KCTD7: variants seen among roughly 807,000 people sequenced by gnomAD.
The protein encoded by KCTD7 is BTB/POZ domain-containing protein KCTD7.
In KCTD7, 15 loss-of-function variants were observed where a neutral mutation model predicts 27.0. The observed-to-expected ratio is 0.56, with a 90% CI of 0.37 to 0.86. The LOEUF (loss-of-function observed/expected upper bound fraction) is 0.86, where lower values mean the gene tolerates loss of function less well. Ranked by LOEUF, KCTD7 falls within the 40% of genes least tolerant of loss-of-function variation. The pLI is 0.00. For synonymous variants in KCTD7, 159 were observed against 162.7 expected (o/e 0.98, Z 0.17); for missense variants, 299 against 398.9 (o/e 0.75, Z 2.13).
Position 66,642,515 on chromosome 7 carries a change from A to G in KCTD7, c.*3283A>G. 1 of 985,464 alleles carries G rather than the reference A, an allele frequency of 1.0e-6. No homozygotes were observed. Among genetic ancestry groups the G allele is most frequent in the Non-Finnish European group, 1.2e-6 (1 of 829,934 alleles). 61.0% of individuals were successfully genotyped at this position (985,464 alleles called of 1,614,324 possible). ...TCTTGGTCTAAACCAGCTCTTGAAC[A>G]GGTTAAAGCAAACAGCAATAACAAA... On this transcript the variant is annotated 3_prime_UTR_variant, in exon 4 of 4. Transcript: ENST00000639828.
chr7:66,635,011 CTT>C (rs68184930), intron 2 of KCTD7, among the ~76,000 whole-genome samples: 5,021 of 107,420 alleles, frequency 0.047, 116 homozygotes, highest in East Asian at 0.092. Flanking sequence ...GTGAGACTGT[CTT>C]TTTTTTTTTT....
Position 66,629,027 on chromosome 7 carries a change from C to T in KCTD7, c.-38C>T. ...GGAGTGCCCGGGGCCGCCGCCTCCG[C>T]CCGCCCGAAGCCGCGCCCACTGCCC... On this transcript the variant is annotated 5_prime_UTR_variant, in exon 1 of 4. Transcript: ENST00000639828. The T allele has an allele frequency of 2.7e-6, 4 of 1,481,082 alleles. No individual in the cohort carries two copies. Among genetic ancestry groups the T allele is most frequent in the Non-Finnish European group, 3.6e-6 (4 of 1,112,902 alleles). The allele number at this position is 1,481,082 out of a possible 1,614,324, so 91.7% of individuals were successfully genotyped here.
chr7:66,639,225 G>A lies in KCTD7; in HGVS notation c.863G>A (p.Trp288Ter), dbSNP rs748183090. Residue 288 changes from tryptophan to a stop codon, truncating the protein, a stop_gained, in exon 4 of 4, where the codon TGG (tryptophan) becomes TAG (stop). Coordinates refer to ENST00000639828, the MANE Select transcript of KCTD7 (RefSeq NM_153033.5). LOFTEE classifies it high-confidence loss of function. ...CCCATCTATGAGTTCAAGATCACAT[G>A]GTGGTGAGTAGCCCCGGTAGGCGAG... is the stretch of plus-strand genomic sequence containing the variant. ...KRPIYEFKIT[W>*]W 6.2e-7 allele frequency: 1 copy of A among 1,612,018 alleles called. No individual in the cohort carries two copies. Among genetic ancestry groups the A allele is most frequent in the Non-Finnish European group, 8.5e-7 (1 of 1,180,016 alleles).
rs1420584527 is a variant in KCTD7, at chr7:66,642,949, A to G, written c.*3717A>G. 2.0e-6 allele frequency: 2 copies of G among 985,254 alleles called. No individual in the cohort carries two copies. The highest frequency in any genetic ancestry group is 2.4e-6 in the Non-Finnish European group (2 of 829,962). 61.0% of individuals were successfully genotyped at this position (985,254 alleles called of 1,614,324 possible). A position where few individuals can be genotyped will look rare whatever the true frequency, so the allele number is the denominator to read the frequency against. On this transcript the variant is annotated 3_prime_UTR_variant, in exon 4 of 4. Coordinates refer to ENST00000639828, the MANE Select transcript of KCTD7 (RefSeq NM_153033.5). ...TGTATGGTGTTGGGTTTATGTACAC[A>G]CTATAACACTTCCTGTGTGAGTTCA...
At position 66,639,764 on chromosome 7, in the gene KCTD7, C is replaced by G; in HGVS notation, c.*532C>G. On this transcript the variant is annotated 3_prime_UTR_variant, in exon 4 of 4. Coordinates refer to ENST00000639828, the MANE Select transcript of KCTD7 (RefSeq NM_153033.5). ...CTCTCCCACTGCACCCCTTCTCCTC[C>G]AAGAATAGTTGCCCACATTCCCAAA... 2.4e-6 allele frequency: 3 copies of G among 1,251,316 alleles called. No homozygotes were observed. Among genetic ancestry groups the G allele is most frequent in the South Asian group, 7.6e-5 (2 of 26,450 alleles). The allele number at this position is 1,251,316 out of a possible 1,614,324, so 77.5% of individuals were successfully genotyped here.
At position 66,638,343 on chromosome 7, in the gene KCTD7, G is replaced by C. The variant is rs555039386; in HGVS notation, c.405G>C (p.Gly135=). Residue 135 remains glycine (G), a synonymous_variant, in exon 3 of 4, where the codon GGG becomes GGC. Coordinates refer to ENST00000639828, the MANE Select transcript of KCTD7 (RefSeq NM_153033.5). ...VYKEAQYYAI[G]PLLEQLENMQ... ...AAGAGGCCCAGTACTATGCCATCGG[G>C]CCCCTCCTGGAGCAGCTGGAGAACA... The C allele has an allele frequency of 1.7e-5, 28 of 1,614,228 alleles. No homozygotes were observed. In the South Asian group the frequency reaches 3.1e-4, roughly 18 times the overall value.
chr7:66,628,895 G>C lies in KCTD7; in HGVS notation c.-170G>C, dbSNP rs191169882. The C allele has an allele frequency of 2.1e-5, 11 of 530,728 alleles. No homozygotes were observed. The highest frequency in any genetic ancestry group is 7.9e-5 in the East Asian group (2 of 25,196). The allele number at this position is 530,728 out of a possible 1,614,324, so 32.9% of individuals were successfully genotyped here. ...GGTCAGGCCCCAGCTGGGCGCGAGC[G>C]GGTCGGCGTTGAGGGAGCCACCGCC... On this transcript the variant is annotated 5_prime_UTR_variant, in exon 1 of 4. Transcript: ENST00000639828.
chr7:66,632,553 G>A (rs1447192766), intron 1 of KCTD7, among the ~76,000 whole-genome samples: 1 of 151,852 alleles, frequency 6.6e-6, no homozygotes, highest in Non-Finnish European at 1.5e-5. Flanking sequence ...CTTTTATGCA[G>A]TGAACAACCT....
chr7:66,640,129 T>A lies in KCTD7; in HGVS notation c.*897T>A. 1.5e-6 allele frequency: 2 copies of A among 1,345,844 alleles called. No homozygotes were observed. 83.4% of individuals were successfully genotyped at this position (1,345,844 alleles called of 1,614,324 possible). On this transcript the variant is annotated 3_prime_UTR_variant, in exon 4 of 4. Transcript: ENST00000639828. The stretch of plus-strand genomic sequence containing the variant: ...CTATCTCATGTGTTAGAATCCAGTT[T>A]GTGGTGAACCTCTTTGGAAGGGGAC...
At position 66,638,937 on chromosome 7, in the gene KCTD7, T is replaced by C; in HGVS notation, c.575T>C (p.Val192Ala). The change falls in exon 4 of 4, where the codon GTC becomes GCC. Residue 192 changes from valine (V) to alanine (A), a missense_variant. Coordinates refer to ENST00000639828, the MANE Select transcript of KCTD7 (RefSeq NM_153033.5). Reference protein sequence around the residue: ...KARFAKLKVCVFKEEMPITPY... With the variant: ...KARFAKLKVCAFKEEMPITPY... ...CGCTTTGCCAAGCTCAAGGTCTGTGTCTTCAAGGAGGAGATGCCCATCACC... is the reference window on the plus strand; with the variant it reads ...CGCTTTGCCAAGCTCAAGGTCTGTGCCTTCAAGGAGGAGATGCCCATCACC... The C allele has an allele frequency of 6.2e-7, 1 of 1,614,194 alleles. No individual in the cohort carries two copies. Among genetic ancestry groups the C allele is most frequent in the East Asian group, 2.2e-5 (1 of 44,878 alleles).
In KCTD7 at chr7:66,639,848, T is replaced by C. The variant is rs951176736; in HGVS notation, c.*616T>C. Reference sequence around the variant, plus strand: ...TGTTCTTCACCACCTTTTGGAGATTTAACCATAGCTGCCAAAGCTATGCAC... The same window carrying C: ...TGTTCTTCACCACCTTTTGGAGATTCAACCATAGCTGCCAAAGCTATGCAC... On this transcript the variant is annotated 3_prime_UTR_variant, in exon 4 of 4. Coordinates refer to ENST00000639828, the MANE Select transcript of KCTD7 (RefSeq NM_153033.5). 41 of 1,247,322 alleles carry C rather than the reference T, an allele frequency of 3.3e-5. 1 individual carries two copies. In the African/African-American group the frequency reaches 5.9e-4, roughly 18 times the overall value. 77.3% of individuals were successfully genotyped at this position (1,247,322 alleles called of 1,614,324 possible).
chr7:66,631,724 G>A (rs1426861086), intron 1 of KCTD7, among the ~76,000 whole-genome samples: 1 of 151,614 alleles, frequency 6.6e-6, no homozygotes, highest in Non-Finnish European at 1.5e-5. Flanking sequence ...AAAAAGCCTT[G>A]CATTTTAAGG....
At position 66,639,226 on chromosome 7, in the gene KCTD7, G is replaced by A; in HGVS notation, c.864G>A (p.Trp288Ter). 1 of 1,611,720 alleles carries A rather than the reference G, an allele frequency of 6.2e-7. No homozygotes were observed. Among genetic ancestry groups the A allele is most frequent in the Non-Finnish European group, 8.5e-7 (1 of 1,180,020 alleles). ...CCATCTATGAGTTCAAGATCACATG[G>A]TGGTGAGTAGCCCCGGTAGGCGAGA... ...KRPIYEFKITWW is the reference protein window; with the variant it reads ...KRPIYEFKIT Residue 288 changes from tryptophan to a stop codon, truncating the protein, a stop_gained, in exon 4 of 4, where the codon TGG (tryptophan) becomes TGA (stop). Transcript: ENST00000639828. LOFTEE classifies it high-confidence loss of function.
At chr7:66,635,016 T>C (rs1345408695) in intron 2 of KCTD7, among the ~76,000 whole-genome samples, 1 of 148,894 alleles carries the variant, frequency 6.7e-6, no homozygotes, top group East Asian at 2.0e-4. Flanking sequence ...ACTGTCTTTT[T>C]TTTTTTTTTT....
At chr7:66,635,016 T>G (rs1345408695) in intron 2 of KCTD7, among the ~76,000 whole-genome samples, 1 of 148,894 alleles carries the variant, frequency 6.7e-6, no homozygotes, top group African/African-American at 2.5e-5. Flanking sequence ...ACTGTCTTTT[T>G]TTTTTTTTTT....
In KCTD7 at chr7:66,638,367, C is replaced by T; in HGVS notation, c.429C>T (p.Asn143=). 6.2e-7 allele frequency: 1 copy of T among 1,614,246 alleles called. No homozygotes were observed. The highest frequency in any genetic ancestry group is 8.5e-7 in the Non-Finnish European group (1 of 1,180,048). Residue 143 remains asparagine, a synonymous_variant, in exon 3 of 4, where the codon AAC becomes AAT. Transcript: ENST00000639828. The part of the protein sequence containing the change: ...AIGPLLEQLE[N]MQPLKGEKVR... ...GGCCCCTCCTGGAGCAGCTGGAGAA[C>T]ATGCAGCCACTGAAGGGCGAGAAGG... is the stretch of plus-strand genomic sequence containing the variant.
rs1584392851 is a variant in KCTD7 at position 66,629,154 on chromosome 7, G to T, written c.90G>T (p.Pro30=). Residue 30 remains proline (P), a synonymous_variant, in exon 1 of 4, where the codon CCG becomes CCT. Coordinates refer to ENST00000639828, the MANE Select transcript of KCTD7 (RefSeq NM_153033.5). The stretch of plus-strand genomic sequence containing the variant: ...ACGCCGAAGACGACTTTCTGGAGCC[G>T]GCCACGCCGACGGCCACGCAGGCGG... The part of the protein sequence containing the change: ...SSDAEDDFLE[P]ATPTATQAGH... 2.0e-6 allele frequency: 3 copies of T among 1,527,232 alleles called. No individual in the cohort carries two copies. The highest frequency in any genetic ancestry group is 2.6e-6 in the Non-Finnish European group (3 of 1,138,342). The allele number at this position is 1,527,232 out of a possible 1,614,324, so 94.6% of individuals were successfully genotyped here.
Position 66,628,979 on chromosome 7 carries a change from T to C in KCTD7, c.-86T>C. The stretch of plus-strand genomic sequence containing the variant: ...GGCCAGCCCGCAGCCGGCCGCGTCA[T>C]GCCAGGCGCTGCTCGGCGGTAGGGA... On this transcript the variant is annotated 5_prime_UTR_variant, in exon 1 of 4. The change abolishes an upstream ATG in the 5' untranslated region. Transcript: ENST00000639828. The C allele has an allele frequency of 3.7e-6, 5 of 1,368,872 alleles. No individual in the cohort carries two copies. Among genetic ancestry groups the C allele is most frequent in the Non-Finnish European group, 4.8e-6 (5 of 1,031,334 alleles). 84.8% of individuals were successfully genotyped at this position (1,368,872 alleles called of 1,614,324 possible).
In KCTD7 at chr7:66,629,046, A is replaced by C; in HGVS notation, c.-19A>C. On this transcript the variant is annotated 5_prime_UTR_variant, in exon 1 of 4. Coordinates refer to ENST00000639828, the MANE Select transcript of KCTD7 (RefSeq NM_153033.5). ...CCTCCGCCCGCCCGAAGCCGCGCCCACTGCCCAGAGCCAGAGGGATGGTGG... is the reference window on the plus strand; with the variant it reads ...CCTCCGCCCGCCCGAAGCCGCGCCCCCTGCCCAGAGCCAGAGGGATGGTGG... 6.7e-7 allele frequency: 1 copy of C among 1,496,652 alleles called. No individual in the cohort carries two copies. The highest frequency in any genetic ancestry group is 8.9e-7 in the Non-Finnish European group (1 of 1,121,070). 92.7% of individuals were successfully genotyped at this position (1,496,652 alleles called of 1,614,324 possible).
Sources: allele counts gnomAD v4.1 joint callset (sites outside exome capture counted in the v4.1 genomes callset), GRCh38; gene constraint gnomAD v4.1.1; transcripts MANE v1.5; gene names NCBI Gene and HGNC (gene_info 2026-07-23, HGNC 2026-07-21).